The following SUGCT variants were observed in gnomAD, a reference collection of about 807,000 sequenced individuals.
SUGCT encodes the protein succinyl-CoA:glutarate-CoA transferase, also known as succinyl-CoA:glutarate CoA-transferase.
A neutral mutation model predicts 55.0 loss-of-function variants in SUGCT; 41 were observed. The ratio of observed to expected loss-of-function variants is 0.74; its 90% CI spans 0.58 to 0.97. The LOEUF is 0.97. Among genes scored for constraint, SUGCT ranks in the 50% least tolerant of loss-of-function variants. The pLI is 0.00. For missense variants in SUGCT, 568 were observed against 547.8 expected, an observed-to-expected ratio of 1.04 and a Z score of -0.37; for synonymous variants, 187 against 200.4, an observed-to-expected ratio of 0.93 and a Z score of 0.56.
chr7:40,514,710 CAAAAAAAAAAAA>C (rs914527174), intron 12 of SUGCT, among the ~76,000 whole-genome samples: 2 of 13,868 alleles, frequency 1.4e-4, no homozygotes, highest in Admixed American at 1.4e-3. Flanking sequence ...AACTCCGTCT[CAAAAAAAAAAAA>C]AAAAAAAAAA....
At chr7:40,972,243 T>C in the SUGCT span, among the ~76,000 whole-genome samples, 1 of 152,188 alleles carries the variant, frequency 6.6e-6, no homozygotes, top group Non-Finnish European at 1.5e-5. Flanking sequence ...TGTACCACAA[T>C]TAACTTAACC....
chr7:40,895,720 C>T, the SUGCT span, among the ~76,000 whole-genome samples: 3 of 151,978 alleles, frequency 2.0e-5, 1 homozygote, highest in African/African-American at 7.3e-5. Context: ...AAAATGTGTA[C>T]AAAACCACAA....
At chr7:40,793,021 C>T (rs1019827636) in intron 13 of SUGCT, among the ~76,000 whole-genome samples, 6 of 152,180 alleles carry the variant, frequency 3.9e-5, no homozygotes, top group Admixed American at 6.6e-5. Context: ...ATATTTAGGA[C>T]GCATTGTCTT....
intron 9 of SUGCT, among the ~76,000 whole-genome samples, chr7:40,375,107 C>T (rs559789144): frequency 1.1e-4 from 16 of 152,236 alleles, no homozygotes; most frequent in African/African-American, 1.9e-4. Context: ...GTACAGACAG[C>T]GTCACAAAGC....
intron 9 of SUGCT, among the ~76,000 whole-genome samples, chr7:40,345,422 A>G (rs181487985): frequency 3.9e-5 from 6 of 152,300 alleles, no homozygotes; most frequent in Admixed American, 1.3e-4. Context: ...CTTGACTTAT[A>G]TAGTGCCATA....
chr7:40,951,065 T>G, the SUGCT span, among the ~76,000 whole-genome samples: 1 of 152,198 alleles, frequency 6.6e-6, no homozygotes, highest in Non-Finnish European at 1.5e-5. Flanking sequence ...TCTGGTAGAA[T>G]TCAGCTGTGA....
intron 1 of SUGCT, among the ~76,000 whole-genome samples, chr7:40,161,817 C>T (rs890770132): frequency 1.3e-5 from 2 of 152,154 alleles, no homozygotes; most frequent in African/African-American, 4.8e-5. Context: ...TTTGGTTGTG[C>T]ATTCTATAAC....
At chr7:40,530,338 A>G (rs1794018129) in intron 12 of SUGCT, among the ~76,000 whole-genome samples, 1 of 152,250 alleles carries the variant, frequency 6.6e-6, no homozygotes, top group Non-Finnish European at 1.5e-5. Context: ...AACATAATAT[A>G]TAGTTTAGAC....
intron 12 of SUGCT, among the ~76,000 whole-genome samples, chr7:40,534,984 G>A (rs996630234): frequency 2.0e-4 from 31 of 152,032 alleles, no homozygotes; most frequent in African/African-American, 7.3e-4. Context: ...AGTGTTTGGT[G>A]AGTGACTCTT....
At chr7:40,935,814 T>A in the SUGCT span, among the ~76,000 whole-genome samples, 2 of 152,202 alleles carry the variant, frequency 1.3e-5, no homozygotes, top group Non-Finnish European at 2.9e-5. Flanking sequence ...TCGTGAGTAA[T>A]AATGAAGCTA....
chr7:40,895,083 G>A, the SUGCT span, among the ~76,000 whole-genome samples: 2 of 152,086 alleles, frequency 1.3e-5, no homozygotes, highest in Non-Finnish European at 1.5e-5. Context: ...GTAGTAGAGT[G>A]GATGAAGAAA....
the SUGCT span, among the ~76,000 whole-genome samples, chr7:40,920,372 A>C: frequency 6.6e-6 from 1 of 152,306 alleles, no homozygotes; most frequent in East Asian, 1.9e-4. Context: ...GAGATTAACA[A>C]GAATATCACC....
At chr7:40,218,927 C>T (rs1452768931) in intron 6 of SUGCT, among the ~76,000 whole-genome samples, 6 of 152,170 alleles carry the variant, frequency 3.9e-5, no homozygotes, top group Admixed American at 1.3e-4. Flanking sequence ...GAGCCAGTGG[C>T]GGAAATCCGT....
At chr7:40,495,487 A>G (rs1467240689) in intron 11 of SUGCT, among the ~76,000 whole-genome samples, 1 of 152,182 alleles carries the variant, frequency 6.6e-6, no homozygotes, top group East Asian at 1.9e-4. Context: ...TAATTCTGAA[A>G]TTCTTCATAC....
At chr7:40,500,177 G>T (rs1792201589) in intron 12 of SUGCT, among the ~76,000 whole-genome samples, 2 of 152,180 alleles carry the variant, frequency 1.3e-5, no homozygotes, top group South Asian at 4.1e-4. Flanking sequence ...AGTGATTGAA[G>T]CCTCTGATTA....
intron 13 of SUGCT, among the ~76,000 whole-genome samples, chr7:40,830,027 C>T (rs183399353): frequency 6.6e-6 from 1 of 152,162 alleles, no homozygotes; most frequent in African/African-American, 2.4e-5. Context: ...TCTTTCTCTG[C>T]TTCCTTCTTT....
At position 40,748,366 on chromosome 7, in the gene SUGCT, ATAGT is replaced by A. The variant is rs367576271; in HGVS notation, c.1090-1065_1090-1062del. 8.1e-4 allele frequency among the ~76,000 whole-genome samples: 124 copies of A among 152,276 alleles called. 1 individual carries two copies. The highest frequency in any genetic ancestry group is 2.9e-3 in the African/African-American group (121 of 41,574). ...GTAGGGATCTAGAAGCAGGATAAAG[ATAGT>A]TAATTAAATTGTAATAGGTTTATAA... is the stretch of plus-strand genomic sequence containing the variant. On this transcript the variant is annotated intron_variant, in intron 12 of 13. Transcript: ENST00000335693.
At chr7:40,966,894 G>A in the SUGCT span, 1 of 152,214 alleles carries the variant, frequency 6.6e-6, no homozygotes, top group East Asian at 1.9e-4. Flanking sequence ...AAGGAAATAT[G>A]TGAAACTGTT....
chr7:40,713,846 T>C (rs1785865014), intron 12 of SUGCT, among the ~76,000 whole-genome samples: 1 of 152,212 alleles, frequency 6.6e-6, no homozygotes, highest in Non-Finnish European at 1.5e-5. Flanking sequence ...CATCACATCA[T>C]GCATAAACTT....
Sources: gnomAD v4.1 joint callset for allele counts (sites outside exome capture counted in the v4.1 genomes callset) on GRCh38, gnomAD v4.1.1 for gene constraint, MANE v1.5 for transcripts, NCBI Gene and HGNC (gene_info 2026-07-23, HGNC 2026-07-21) for gene names.